Variants in MIPOL1 observed in about 807,000 individuals in gnomAD.
MIPOL1 encodes the protein mirror-image polydactyly 1.
A neutral mutation model predicts 60.9 loss-of-function variants in MIPOL1; 57 were observed. The ratio of observed to expected loss-of-function variants is 0.94; its 90% CI spans 0.76 to 1.17. The LOEUF is 1.17. Ranked by LOEUF, MIPOL1 falls within the 50% of genes most tolerant of loss-of-function variation. The pLI is 0.00. For missense variants in MIPOL1, 551 were observed against 511.6 expected (o/e 1.08, Z -0.74); for synonymous variants, 179 against 168.8 (o/e 1.06, Z -0.47).
Position 37,445,142 on chromosome 14 carries a change from G to T in MIPOL1, c.1031+22193G>T, listed in dbSNP as rs375817805. 3.0e-4 allele frequency among the ~76,000 whole-genome samples: 46 copies of T among 152,240 alleles called. No individual in the cohort carries two copies. The East Asian group carries it at 7.5e-3, about 25-fold the overall frequency. On this transcript the variant is annotated intron_variant, in intron 11 of 12. Transcript: ENST00000684589. ...GAAAAAAGGAAGTCAAATTGTCCCT[G>T]TTTGCAGATGACATGATTGTATATC... is the stretch of plus-strand genomic sequence containing the variant.
chr14:37,394,068 A>ATATATATG (rs2093319555), intron 10 of MIPOL1, among the ~76,000 whole-genome samples: 1 of 132,514 alleles, frequency 7.5e-6, no homozygotes, highest in Non-Finnish European at 1.6e-5. Context: ...ATATATATAT[A>ATATATATG]TATATATATA....
chr14:37,213,610 G>A (rs930139819), intron 1 of MIPOL1, among the ~76,000 whole-genome samples: 1 of 152,136 alleles, frequency 6.6e-6, no homozygotes, highest in African/African-American at 2.4e-5. Flanking sequence ...AAGAGGTATT[G>A]GCCTTAAAGA....
At chr14:37,417,740 T>C (rs1301928401) in intron 10 of MIPOL1, among the ~76,000 whole-genome samples, 1 of 152,162 alleles carries the variant, frequency 6.6e-6, no homozygotes, top group Non-Finnish European at 1.5e-5. Flanking sequence ...TATAGATGTG[T>C]TTAATAGTGC....
intron 10 of MIPOL1, among the ~76,000 whole-genome samples, chr14:37,408,317 T>C (rs1036014657): frequency 6.6e-6 from 1 of 152,174 alleles, no homozygotes; most frequent in Admixed American, 6.5e-5. Flanking sequence ...TCTGAAACTT[T>C]GCTTGTTGTG....
chr14:37,349,113 C>T (rs1189785477), intron 9 of MIPOL1, among the ~76,000 whole-genome samples: 2 of 151,276 alleles, frequency 1.3e-5, no homozygotes, highest in African/African-American at 4.9e-5. Context: ...CTCAGCCTCC[C>T]GAGTAGCTGG....
chr14:37,476,026 A>C (rs2094768085), intron 11 of MIPOL1, among the ~76,000 whole-genome samples: 1 of 152,220 alleles, frequency 6.6e-6, no homozygotes, highest in African/African-American at 2.4e-5. Context: ...CATCTTAACA[A>C]TACTGAGTTA....
At chr14:37,456,861 G>A (rs1320015393) in intron 11 of MIPOL1, among the ~76,000 whole-genome samples, 1 of 151,942 alleles carries the variant, frequency 6.6e-6, no homozygotes, top group African/African-American at 2.4e-5. Context: ...GAATCTTTTG[G>A]AATAAAGTAT....
chr14:37,234,173 G>A (rs1449420977), intron 1 of MIPOL1, among the ~76,000 whole-genome samples: 2 of 152,148 alleles, frequency 1.3e-5, no homozygotes, highest in Non-Finnish European at 2.9e-5. Flanking sequence ...TCAGAATTGT[G>A]TAAGCTGATT....
chr14:37,330,167 A>G (rs1217394655), intron 9 of MIPOL1, among the ~76,000 whole-genome samples: 1 of 152,120 alleles, frequency 6.6e-6, no homozygotes, highest in African/African-American at 2.4e-5. Flanking sequence ...ATATTGTTCT[A>G]CATTTTAATT....
At chr14:37,524,588 G>C (rs2095435461) in intron 12 of MIPOL1, among the ~76,000 whole-genome samples, 1 of 79,482 alleles carries the variant, frequency 1.3e-5, no homozygotes, top group South Asian at 3.7e-4. Flanking sequence ...TTTTTTTTGA[G>C]ATGGAGTCTC....
intron 11 of MIPOL1, among the ~76,000 whole-genome samples, chr14:37,463,486 T>C (rs1384277298): frequency 2.0e-5 from 3 of 151,598 alleles, no homozygotes; most frequent in Non-Finnish European, 4.4e-5. Flanking sequence ...TTTGACGGAG[T>C]TGATAAAAAT....
chr14:37,308,264 T>C (rs1257042205), intron 8 of MIPOL1, 85 bp from the exon 9 acceptor site: 1 of 1,253,660 alleles, frequency 8.0e-7, no homozygotes, highest in East Asian at 2.5e-5. Flanking sequence ...AATTTACAAT[T>C]CACATGTGCC....
chr14:37,347,870 G>A (rs532270692), intron 9 of MIPOL1, among the ~76,000 whole-genome samples: 20 of 152,184 alleles, frequency 1.3e-4, no homozygotes, highest in Admixed American at 5.9e-4. Flanking sequence ...TTCAAAGACC[G>A]GATGTCTCAG....
At chr14:37,357,470 C>A (rs2091927863) in intron 9 of MIPOL1, among the ~76,000 whole-genome samples, 5 of 152,120 alleles carry the variant, frequency 3.3e-5, no homozygotes, top group Admixed American at 3.3e-4. Flanking sequence ...AGACAATAAT[C>A]TAATTGTAGT....
rs191590152 is a variant in MIPOL1 at position 37,225,464 on chromosome 14, C to T, written c.-198-21639C>T. 7.3e-4 allele frequency among the ~76,000 whole-genome samples: 111 copies of T among 152,316 alleles called. 3 individuals are homozygous for T. In the East Asian group the frequency reaches 0.02, roughly 27 times the overall value. On this transcript the variant is annotated intron_variant, in intron 1 of 12. Coordinates refer to ENST00000684589, the MANE Select transcript of MIPOL1 (RefSeq NM_001388067.1). ...CTTCTATGCACTTGCAGGCTCAACA[C>T]CACATGGAAGCTGCCAAGGTTTGAG...
intron 11 of MIPOL1, among the ~76,000 whole-genome samples, chr14:37,485,074 A>T (rs906144514): frequency 5.3e-5 from 8 of 151,794 alleles, no homozygotes; most frequent in African/African-American, 1.9e-4. Context: ...ATTCCCTTTT[A>T]TGGGTGAGAA....
chr14:37,222,323 A>G lies in MIPOL1; in HGVS notation c.-199+24219A>G, dbSNP rs955894428. Among the ~76,000 whole-genome samples the G allele has an allele frequency of 3.3e-5, 5 of 151,826 alleles. No homozygotes were observed. The South Asian group carries it at 8.3e-4, about 25-fold the overall frequency. On this transcript the variant is annotated intron_variant, in intron 1 of 12. Transcript: ENST00000684589. ...CTGCAGCCTGGACCTCCTGGGCTCA[A>G]GTGATCCTCCCACCTCAGCCTCCTG...
rs113560660 is a variant in MIPOL1, at chr14:37,200,611, T to C, written c.-199+2507T>C. 8.2e-3 allele frequency among the ~76,000 whole-genome samples: 1,249 copies of C among 152,190 alleles called. 25 individuals carry two copies. The highest frequency in any genetic ancestry group is 0.028 in the African/African-American group (1,180 of 41,524). ...ACATTGAGTTGGGTTTTGGTTTGTT[T>C]ACATAGGAACCCAAAGTGCTGGAGC... On this transcript the variant is annotated intron_variant, in intron 1 of 12. Coordinates refer to ENST00000684589, the MANE Select transcript of MIPOL1 (RefSeq NM_001388067.1).
At chr14:37,429,143 T>A (rs1300599705) in intron 11 of MIPOL1, among the ~76,000 whole-genome samples, 1 of 152,188 alleles carries the variant, frequency 6.6e-6, no homozygotes, top group Non-Finnish European at 1.5e-5. Flanking sequence ...TATTTAGTAA[T>A]GATTTTTTTC....
Sources: gnomAD v4.1 joint callset for allele counts (sites outside exome capture counted in the v4.1 genomes callset) on GRCh38, gnomAD v4.1.1 for gene constraint, MANE v1.5 for transcripts, NCBI Gene and HGNC (gene_info 2026-07-23, HGNC 2026-07-21) for gene names.